Variants in DIAPH3 observed in about 807,000 individuals in gnomAD.
The protein encoded by DIAPH3 is diaphanous related formin 3, also known as protein diaphanous homolog 3.
Under a neutral mutation model 144.3 loss-of-function variants are expected in DIAPH3, and 117 were observed. The ratio of observed to expected loss-of-function variants is 0.81; its 90% CI spans 0.70 to 0.95. The LOEUF is 0.95. Ranked by LOEUF, DIAPH3 falls within the 40% of genes least tolerant of loss-of-function variation. The pLI, the probability that DIAPH3 is intolerant of heterozygous loss-of-function variation, is 0.00. For synonymous variants in DIAPH3, 519 were observed against 488.9 expected (o/e 1.06, Z -0.81); for missense variants, 1,421 against 1,412.7 (o/e 1.01, Z -0.09).
At chr13:60,146,289 T>C (rs1951518298) in intron 1 of DIAPH3, among the ~76,000 whole-genome samples, 1 of 152,164 alleles carries the variant, frequency 6.6e-6, no homozygotes, top group African/African-American at 2.4e-5. Flanking sequence ...TAAAGACCTA[T>C]AAAATATGGT....
chr13:59,816,753 T>C (rs2040793285), intron 24 of DIAPH3, among the ~76,000 whole-genome samples: 2 of 151,868 alleles, frequency 1.3e-5, no homozygotes, highest in African/African-American at 4.8e-5. Flanking sequence ...TGGGGGTACA[T>C]ATGATAATCT....
chr13:60,016,082 A>G lies in DIAPH3; in HGVS notation c.690T>C (p.Ile230=), dbSNP rs977471413. Residue 230 remains isoleucine, a synonymous_variant, in exon 6 of 28, where the codon ATT becomes ATC. Coordinates refer to ENST00000400324, the MANE Select transcript of DIAPH3 (RefSeq NM_001042517.2). ...TTAGCAATACTTACATTTTTCCACT[A>G]ATCAGTTTTTCCAAAATGTCTAATA... The part of the protein sequence containing the change: ...GLLLDILEKL[I]SGKIQEKVVK... 23 of 1,613,406 alleles carry G rather than the reference A, an allele frequency of 1.4e-5. No individual in the cohort carries two copies. Among genetic ancestry groups the G allele is most frequent in the East Asian group, 2.2e-5 (1 of 44,782 alleles).
chr13:60,084,602 A>G (rs955167994), intron 4 of DIAPH3, among the ~76,000 whole-genome samples: 4 of 150,496 alleles, frequency 2.7e-5, no homozygotes, highest in African/African-American at 9.7e-5. Flanking sequence ...TTTCCCAAGG[A>G]AAAAAAAAAT....
chr13:59,713,874 A>G lies in DIAPH3; in HGVS notation c.3320-47028T>C, dbSNP rs564382394. Reference sequence around the variant, plus strand: ...GTTATTCTGTAAGCATGAGTTGCTGAGCCATGGATAACAGCCATGGAGAGC... The same window carrying G: ...GTTATTCTGTAAGCATGAGTTGCTGGGCCATGGATAACAGCCATGGAGAGC... On this transcript the variant is annotated intron_variant, in intron 27 of 27. Coordinates refer to ENST00000400324, the MANE Select transcript of DIAPH3 (RefSeq NM_001042517.2). Among the ~76,000 whole-genome samples, 3 of 152,336 alleles carry G rather than the reference A, an allele frequency of 2.0e-5. 1 individual carries two copies. In the South Asian group the frequency reaches 6.2e-4, roughly 32 times the overall value.
Position 60,012,903 on chromosome 13 carries a change from T to C in DIAPH3, c.772-2234A>G, listed in dbSNP as rs1333258178. 3 of 764,300 alleles carry C rather than the reference T, an allele frequency of 3.9e-6. No homozygotes were observed. The African/African-American group carries it at 5.7e-5, about 15-fold the overall frequency. The allele number at this position is 764,300 out of a possible 1,614,324, so 47.3% of individuals were successfully genotyped here. A position where few individuals can be genotyped will look rare whatever the true frequency, so the allele number is the denominator to read the frequency against. The stretch of plus-strand genomic sequence containing the variant: ...GTAATGCAAAAATGTGTCACACTCA[T>C]TTTAAGACTGGAATGAGGCCAATTA... On this transcript the variant is annotated intron_variant, in intron 7 of 27. Coordinates refer to ENST00000400324, the MANE Select transcript of DIAPH3 (RefSeq NM_001042517.2).
chr13:60,079,212 A>G (rs2057467711), intron 4 of DIAPH3, among the ~76,000 whole-genome samples: 1 of 152,132 alleles, frequency 6.6e-6, no homozygotes, highest in Non-Finnish European at 1.5e-5. Context: ...ACCAGAAAAA[A>G]TAAAGCATGA....
chr13:60,124,913 T>C (rs193166745), intron 2 of DIAPH3, among the ~76,000 whole-genome samples: 14 of 152,272 alleles, frequency 9.2e-5, no homozygotes. Context: ...GGATAGTACT[T>C]AAATGGCATT....
intron 27 of DIAPH3, among the ~76,000 whole-genome samples, chr13:59,729,155 A>G (rs1440982857): frequency 6.6e-6 from 1 of 152,202 alleles, no homozygotes; most frequent in East Asian, 1.9e-4. Context: ...CCACCAATGT[A>G]ATATAAAAAG....
chr13:59,917,851 C>A (rs1229396789), intron 18 of DIAPH3, among the ~76,000 whole-genome samples: 3 of 125,122 alleles, frequency 2.4e-5, no homozygotes, highest in Admixed American at 1.0e-4. Context: ...GATTGCACCA[C>A]TGCACTCCAG....
chr13:59,913,955 C>CA lies in DIAPH3; in HGVS notation c.2266-2120dup, dbSNP rs530376545. 2.4e-3 allele frequency among the ~76,000 whole-genome samples: 340 copies of CA among 139,790 alleles called. 1 individual carries two copies. Among genetic ancestry groups the CA allele is most frequent in the African/African-American group, 7.3e-3 (277 of 37,778 alleles). 91.7% of individuals were successfully genotyped at this position (139,790 alleles called of 152,430 possible). A position where few individuals can be genotyped will look rare whatever the true frequency, so the allele number is the denominator to read the frequency against. On this transcript the variant is annotated intron_variant, in intron 19 of 27. Coordinates refer to ENST00000400324, the MANE Select transcript of DIAPH3 (RefSeq NM_001042517.2). ...CCTGGTTGACAGTCTCACTCTGTCT[C>CA]AAAAAAAAAACAAAAGTAATAAAAC...
At chr13:60,147,640 G>A (rs546880844) in intron 1 of DIAPH3, among the ~76,000 whole-genome samples, 1 of 152,258 alleles carries the variant, frequency 6.6e-6, no homozygotes, top group East Asian at 1.9e-4. Flanking sequence ...CTAGACAGGA[G>A]GTCTAGCTTG....
chr13:60,046,463 T>A (rs1947947675), intron 4 of DIAPH3, among the ~76,000 whole-genome samples: 2 of 152,102 alleles, frequency 1.3e-5, no homozygotes, highest in African/African-American at 2.4e-5. Flanking sequence ...CATTAAAAAG[T>A]CAGGAAACAA....
intron 25 of DIAPH3, among the ~76,000 whole-genome samples, chr13:59,787,732 CTA>C (rs1380775737): frequency 2.0e-5 from 3 of 152,164 alleles, no homozygotes; most frequent in Non-Finnish European, 4.4e-5. Flanking sequence ...AACCCATCTT[CTA>C]TGATCTGAAT....
At chr13:59,742,851 A>G (rs1327335398) in intron 27 of DIAPH3, among the ~76,000 whole-genome samples, 1 of 152,230 alleles carries the variant, frequency 6.6e-6, no homozygotes, top group East Asian at 1.9e-4. Context: ...GACATGACTC[A>G]ACAGAAATAA....
chr13:59,857,828 C>T (rs1179252934), intron 22 of DIAPH3, among the ~76,000 whole-genome samples: 1 of 152,152 alleles, frequency 6.6e-6, no homozygotes, highest in Non-Finnish European at 1.5e-5. Flanking sequence ...GCTGCCACTT[C>T]CCATGGATTT....
At chr13:59,985,757 A>C in intron 12 of DIAPH3, among the ~76,000 whole-genome samples, 1 of 97,370 alleles carries the variant, frequency 1.0e-5, no homozygotes, top group East Asian at 2.5e-4. Context: ...CTAGGAATCC[A>C]ACTTACAAGG....
chr13:59,745,255 C>T (rs541485479), intron 27 of DIAPH3, among the ~76,000 whole-genome samples: 230 of 152,226 alleles, frequency 1.5e-3, no homozygotes, highest in African/African-American at 5.3e-3. Flanking sequence ...CAGCAGGGGC[C>T]AGTACTATTT....
At chr13:60,082,054 T>A (rs1056113415) in intron 4 of DIAPH3, among the ~76,000 whole-genome samples, 2 of 150,950 alleles carry the variant, frequency 1.3e-5, no homozygotes, top group Non-Finnish European at 3.0e-5. Context: ...AATTTCAAAG[T>A]GAGCTAACAG....
intron 17 of DIAPH3, among the ~76,000 whole-genome samples, chr13:59,948,836 AGAAAGAAG>A (rs2048935872): frequency 1.4e-5 from 2 of 143,216 alleles, no homozygotes; most frequent in African/African-American, 2.6e-5. Context: ...TGACATAAAA[AGAAAGAAG>A]GAAGGAAGGA....
Sources: allele counts gnomAD v4.1 joint callset (sites outside exome capture counted in the v4.1 genomes callset), GRCh38; gene constraint gnomAD v4.1.1; transcripts MANE v1.5; gene names NCBI Gene and HGNC (gene_info 2026-07-23, HGNC 2026-07-21).